SIGLEC11: variants seen among roughly 807,000 people sequenced by gnomAD.
SIGLEC11 encodes the protein sialic acid binding Ig like lectin 11, also known as sialic acid-binding Ig-like lectin 11.
A neutral mutation model predicts 61.2 loss-of-function variants in SIGLEC11; 47 were observed. That is an observed-to-expected ratio of 0.77 (90% CI 0.61 to 0.98). The LOEUF (loss-of-function observed/expected upper bound fraction) is 0.98. Among genes scored for constraint, SIGLEC11 ranks in the 50% least tolerant of loss-of-function variants. The probability of loss-of-function intolerance (pLI) is 0.00; values close to 1 mark genes in which losing one functional copy is unlikely to be tolerated. For synonymous variants in SIGLEC11, 278 were observed against 373.1 expected (o/e 0.75, Z 2.94); for missense variants, 610 against 870.3 (o/e 0.70, Z 3.76).
intron 8 of SIGLEC11, among the ~76,000 whole-genome samples, chr19:49,954,039 A>G (rs1457507018): frequency 1.3e-5 from 2 of 152,166 alleles, no homozygotes; most frequent in Non-Finnish European, 2.9e-5. Context: ...GGGTCTGAGG[A>G]CAGCCTGAGT....
chr19:49,958,390 T>C lies in SIGLEC11; in HGVS notation c.1544A>G (p.Asn515Ser), dbSNP rs1455062892. 1 of 1,614,138 alleles carries C rather than the reference T, an allele frequency of 6.2e-7. No homozygotes were observed. Among genetic ancestry groups the C allele is most frequent in the South Asian group, 1.1e-5 (1 of 91,086 alleles). Residue 515 changes from asparagine (N) to serine (S), a missense_variant, in exon 8 of 11, where the codon AAC (asparagine) becomes AGC (serine). Asn to Ser is a conservative substitution (Grantham distance 46). This residue lies in a region of SIGLEC11 where 432 missense variants were observed against 441.5 expected (regional missense o/e 0.98). Transcript: ENST00000447370. ...VTPSSAGPWANSSLSLHGGLS... is the reference protein window; with the variant it reads ...VTPSSAGPWASSSLSLHGGLS... ...CCCTCCATGGAGGCTCAGGGAGCTGTTGGCCCAGGGCCCGGCTGAGCTGGG... is the reference window on the plus strand; with the variant it reads ...CCCTCCATGGAGGCTCAGGGAGCTGCTGGCCCAGGGCCCGGCTGAGCTGGG...
chr19:49,960,830 T>A lies in SIGLEC11; in HGVS notation c.182A>T (p.Asp61Val). The A allele has an allele frequency of 6.2e-7, 1 of 1,612,768 alleles. No individual in the cohort carries two copies. Among genetic ancestry groups the A allele is most frequent in the Non-Finnish European group, 8.5e-7 (1 of 1,179,902 alleles). Reference protein sequence around the residue: ...IVSCNLSYPRDGWDESTAAYG... With the variant: ...IVSCNLSYPRVGWDESTAAYG... ...AGCAGCAGTAGACTCGTCCCAGCCA[T>A]CCCGGGGGTAGGAGAGGTTGCAAGA... Residue 61 changes from aspartate to valine, a missense_variant, in exon 2 of 11, where the codon GAT (aspartate) becomes GTT (valine). Asp to Val is a radical substitution (Grantham distance 152, BLOSUM62 -3). Coordinates refer to ENST00000447370, the MANE Select transcript of SIGLEC11 (RefSeq NM_052884.3).
At position 49,951,822 on chromosome 19, in the gene SIGLEC11, A is replaced by C; in HGVS notation, c.1830+69T>G. 1 of 1,331,108 alleles carries C rather than the reference A, an allele frequency of 7.5e-7. No individual in the cohort carries two copies. The highest frequency in any genetic ancestry group is 1.0e-6 in the Non-Finnish European group (1 of 980,156). The allele number at this position is 1,331,108 out of a possible 1,614,324, so 82.5% of individuals were successfully genotyped here. ...CACAATGATTCTGCAAGTCACCAAG[A>C]GGACTACCCATGGCCATCAAGGAAA... On this transcript the variant is annotated intron_variant, in intron 10 of 10. Coordinates refer to ENST00000447370, the MANE Select transcript of SIGLEC11 (RefSeq NM_052884.3). The surrounding 1 kb of genome is among the most constrained non-coding windows in gnomAD (Gnocchi z 4.6).
rs1226790707 is a variant in SIGLEC11 at position 49,955,600 on chromosome 19, A to T, written c.1651+2683T>A. On this transcript the variant is annotated intron_variant, in intron 8 of 10. Coordinates refer to ENST00000447370, the MANE Select transcript of SIGLEC11 (RefSeq NM_052884.3). The surrounding 1 kb of genome is among the most constrained non-coding windows in gnomAD (Gnocchi z 4.5). ...GAAAAAGGAAGCAGAACATAGGCTT[A>T]AAAAAAAAGGCCAATCTGTTGGCAG... Among the ~76,000 whole-genome samples the T allele has an allele frequency of 6.6e-6, 1 of 151,388 alleles. No individual in the cohort carries two copies. The highest frequency in any genetic ancestry group is 1.5e-5 in the Non-Finnish European group (1 of 67,814).
rs1432753219 is a variant in SIGLEC11 at position 49,958,860 on chromosome 19, C to G, written c.1146G>C (p.Leu382=). Residue 382 remains leucine (L), a synonymous_variant, in exon 7 of 11, where the codon CTG becomes CTC. Transcript: ENST00000447370. The stretch of plus-strand genomic sequence containing the variant: ...AGACCAGGCGCAGGCTTTGGCCCTC[C>G]AGGACCGGGAGGGATGTGCCGTTCC... ...NLGNGTSLPV[L]EGQSLRLVCV... is the part of the protein sequence containing the mutation. The G allele has an allele frequency of 6.2e-7, 1 of 1,606,064 alleles. No individual in the cohort carries two copies. Among genetic ancestry groups the G allele is most frequent in the African/African-American group, 1.3e-5 (1 of 74,736 alleles).
rs777554407 is a variant in SIGLEC11 at position 49,960,907 on chromosome 19, A to G, written c.105T>C (p.Ser35=). Residue 35 remains serine, a synonymous_variant, in exon 2 of 11, where the codon AGT becomes AGC. Coordinates refer to ENST00000447370, the MANE Select transcript of SIGLEC11 (RefSeq NM_052884.3). ...CCGGCACCTGCCTCTGCACTTGAAG[A>G]CTGTAACTGGGATCCTTGTTCAGGG... ...AGSLNKDPSY[S]LQVQRQVPVP... is the part of the protein sequence containing the mutation. 6.6e-7 allele frequency: 1 copy of G among 1,518,500 alleles called. No homozygotes were observed. The highest frequency in any genetic ancestry group is 9.0e-7 in the Non-Finnish European group (1 of 1,115,160). The allele number at this position is 1,518,500 out of a possible 1,614,324, so 94.1% of individuals were successfully genotyped here.
chr19:49,959,654 TGGAGAGAGAGAATGGGTGGGA>T, intron 4 of SIGLEC11, 31 bp from the exon 5 acceptor site: 2 of 121,478 alleles, frequency 1.6e-5, no homozygotes, highest in Non-Finnish European at 1.4e-5. Flanking sequence ...AGGGTGGGGG[TGGAGAGAGAGAATGGGTGGGA>T]GGGGGGGCTG....
rs748192530 is a variant in SIGLEC11 at position 49,960,572 on chromosome 19, G to A, written c.440C>T (p.Ala147Val). 113 of 1,597,768 alleles carry A rather than the reference G, an allele frequency of 7.1e-5. 3 individuals are homozygous for A. The highest frequency in any genetic ancestry group is 9.2e-5 in the Non-Finnish European group (109 of 1,178,596). ...CATACCTGTTACTTTTAGAAAGAACGCATTGCTCAGGAAACTATGTCTCAC... is the reference window on the plus strand; with the variant it reads ...CATACCTGTTACTTTTAGAAAGAACACATTGCTCAGGAAACTATGTCTCAC... ...SRVRHSFLSN[A>V]FFLKVTALTK... Residue 147 changes from alanine (A) to valine (V), a missense_variant, in exon 2 of 11, where the codon GCG becomes GTG. By Grantham distance (64) the Ala-to-Val change is moderately conservative. Around this residue, in one of 6 missense-constraint regions of SIGLEC11, gnomAD observed 99 missense variants for 131.6 expected, o/e 0.75. Coordinates refer to ENST00000447370, the MANE Select transcript of SIGLEC11 (RefSeq NM_052884.3).
At position 49,951,418 on chromosome 19, in the gene SIGLEC11, C is replaced by T. The variant is rs2076157296; in HGVS notation, c.1830+473G>A. ...AACCATCACCACGAGGATCACAGCTCTCAGTGAGTCCTGCGAGTCCTAGGG... is the reference window on the plus strand; with the variant it reads ...AACCATCACCACGAGGATCACAGCTTTCAGTGAGTCCTGCGAGTCCTAGGG... On this transcript the variant is annotated intron_variant, in intron 10 of 10. Transcript: ENST00000447370. The surrounding 1 kb of genome is among the most constrained non-coding windows in gnomAD (Gnocchi z 4.6). 6.6e-6 allele frequency among the ~76,000 whole-genome samples: 1 copy of T among 152,196 alleles called. No homozygotes were observed. Among genetic ancestry groups the T allele is most frequent in the Non-Finnish European group, 1.5e-5 (1 of 68,036 alleles).
intron 8 of SIGLEC11, among the ~76,000 whole-genome samples, chr19:49,952,596 G>A (rs2076166102): frequency 6.6e-6 from 1 of 152,218 alleles, no homozygotes. Flanking sequence ...TGCTTAGCAA[G>A]GCTCACTTCA....
rs985971934 is a variant in SIGLEC11 at position 49,955,599 on chromosome 19, TA to T, written c.1651+2683del. Among the ~76,000 whole-genome samples, 2 of 150,542 alleles carry T rather than the reference TA, an allele frequency of 1.3e-5. No individual in the cohort carries two copies. The highest frequency in any genetic ancestry group is 2.4e-5 in the African/African-American group (1 of 41,080). ...GGAAAAAGGAAGCAGAACATAGGCT[TA>T]AAAAAAAAGGCCAATCTGTTGGCAG... On this transcript the variant is annotated intron_variant, in intron 8 of 10. Transcript: ENST00000447370. The surrounding 1 kb of genome is among the most constrained non-coding windows in gnomAD (Gnocchi z 4.5).
rs1162931489 is a variant in SIGLEC11 at position 49,949,680 on chromosome 19, A to G, written c.*290T>C. ...AACATGGCAAAACCCTGTCTCTACTAAAAATATAACAATGAGCCTGGCATG... is the reference window on the plus strand; with the variant it reads ...AACATGGCAAAACCCTGTCTCTACTGAAAATATAACAATGAGCCTGGCATG... On this transcript the variant is annotated 3_prime_UTR_variant, in exon 11 of 11. Coordinates refer to ENST00000447370, the MANE Select transcript of SIGLEC11 (RefSeq NM_052884.3). 28 of 214,498 alleles carry G rather than the reference A, an allele frequency of 1.3e-4. No individual in the cohort carries two copies. In the East Asian group the frequency reaches 2.6e-3, roughly 20 times the overall value. 13.3% of individuals were successfully genotyped at this position (214,498 alleles called of 1,614,324 possible).
Position 49,955,135 on chromosome 19 carries a change from C to T in SIGLEC11, c.1652-2741G>A, listed in dbSNP as rs2076186791. ...GGCAGCTGCAGGCATGAATGCCACC[C>T]AGCTTATAAAAGTGACCACCAAGAT... On this transcript the variant is annotated intron_variant, in intron 8 of 10. Transcript: ENST00000447370. The surrounding 1 kb of genome is among the most constrained non-coding windows in gnomAD (Gnocchi z 4.5). Among the ~76,000 whole-genome samples the T allele has an allele frequency of 1.3e-5, 2 of 151,566 alleles. No individual in the cohort carries two copies. The highest frequency in any genetic ancestry group is 4.9e-5 in the African/African-American group (2 of 41,236).
At chr19:49,950,829 G>T (rs62126307) in intron 10 of SIGLEC11, among the ~76,000 whole-genome samples, 29,521 of 152,154 alleles carry the variant, frequency 0.19, 3,283 homozygotes, top group South Asian at 0.26. Context: ...GAAAGACAGG[G>T]ATTTGCTCGG....
At chr19:49,953,219 ACAAAACC>A (rs1297396431) in intron 8 of SIGLEC11, among the ~76,000 whole-genome samples, 1 of 152,204 alleles carries the variant, frequency 6.6e-6, no homozygotes, top group Non-Finnish European at 1.5e-5. Context: ...CAGCAGCACA[ACAAAACC>A]TGAAAGGAGC....
chr19:49,951,543 T>C lies in SIGLEC11; in HGVS notation c.1830+348A>G, dbSNP rs913032033. Among the ~76,000 whole-genome samples the C allele has an allele frequency of 1.3e-5, 2 of 152,068 alleles. No individual in the cohort carries two copies. The highest frequency in any genetic ancestry group is 4.8e-5 in the African/African-American group (2 of 41,390). Reference sequence around the variant, plus strand: ...AGCTTTGTAGTAGACAATAGTCATCTGAGGAAAGGACTCTCTGGCATCCTG... The same window carrying C: ...AGCTTTGTAGTAGACAATAGTCATCCGAGGAAAGGACTCTCTGGCATCCTG... On this transcript the variant is annotated intron_variant, in intron 10 of 10. Coordinates refer to ENST00000447370, the MANE Select transcript of SIGLEC11 (RefSeq NM_052884.3). This position sits in a 1 kb window ranked among gnomAD's most constrained non-coding sequence, Gnocchi z 4.6.
rs144427989 is a variant in SIGLEC11, at chr19:49,960,404, C to G, written c.478G>C (p.Asp160His). 6,961 of 1,589,714 alleles carry G rather than the reference C, an allele frequency of 4.4e-3. 2 individuals carry two copies. Among genetic ancestry groups the G allele is most frequent in the Middle Eastern group, 8.7e-3 (52 of 5,960 alleles). Residue 160 changes from aspartate (D) to histidine (H), a missense_variant, in exon 3 of 11, where the codon GAT (aspartate) becomes CAT (histidine). By Grantham distance (81) the Asp-to-His change is moderately conservative. Transcript: ENST00000447370. ...TCCAGGGTCTCGGGGATGTAGACATCAGGCTTCTTAGTCAGGGCTGGGACA... is the reference window on the plus strand; with the variant it reads ...TCCAGGGTCTCGGGGATGTAGACATGAGGCTTCTTAGTCAGGGCTGGGACA... ...LKVTALTKKP[D>H]VYIPETLEPG...
Position 49,951,240 on chromosome 19 carries a change from C to T in SIGLEC11, c.1830+651G>A, listed in dbSNP as rs1057022488. 1.3e-4 allele frequency among the ~76,000 whole-genome samples: 20 copies of T among 152,198 alleles called. No homozygotes were observed. The highest frequency in any genetic ancestry group is 4.6e-4 in the African/African-American group (19 of 41,454). ...CCAGGTGAGCGGTGCCCTGATGCTC[C>T]GTGCATCTGTCACACTTCCTTGCTG... is the stretch of plus-strand genomic sequence containing the variant. On this transcript the variant is annotated intron_variant, in intron 10 of 10. Transcript: ENST00000447370. This position sits in a 1 kb window ranked among gnomAD's most constrained non-coding sequence, Gnocchi z 4.6.
In SIGLEC11 at chr19:49,951,245, A is replaced by G; in HGVS notation, c.1830+646T>C. ...TGAGCGGTGCCCTGATGCTCCGTGC[A>G]TCTGTCACACTTCCTTGCTGGGAGA... is the stretch of plus-strand genomic sequence containing the variant. On this transcript the variant is annotated intron_variant, in intron 10 of 10. Coordinates refer to ENST00000447370, the MANE Select transcript of SIGLEC11 (RefSeq NM_052884.3). The surrounding 1 kb of genome is among the most constrained non-coding windows in gnomAD (Gnocchi z 4.6). Among the ~76,000 whole-genome samples the G allele has an allele frequency of 6.6e-6, 1 of 152,184 alleles. No homozygotes were observed. Among genetic ancestry groups the G allele is most frequent in the African/African-American group, 2.4e-5 (1 of 41,448 alleles).
Sources: allele counts gnomAD v4.1 joint callset (sites outside exome capture counted in the v4.1 genomes callset), GRCh38; gene constraint gnomAD v4.1.1; regional missense constraint gnomAD v4.1.1; non-coding constraint Gnocchi (gnomAD v3.1); transcripts MANE v1.5; gene names NCBI Gene and HGNC (gene_info 2026-07-23, HGNC 2026-07-21).